ACOT11: variants seen among roughly 807,000 people sequenced by gnomAD.
The protein encoded by ACOT11 is acyl-coenzyme A thioesterase 11.
Under a neutral mutation model 77.5 loss-of-function variants are expected in ACOT11, and 69 were observed. That is an observed-to-expected ratio of 0.89 (90% CI 0.73 to 1.09). ACOT11 has a LOEUF of 1.09. Among genes scored for constraint, ACOT11 ranks in the 50% least tolerant of loss-of-function variants. The probability of loss-of-function intolerance (pLI) is 0.00; values close to 1 mark genes in which losing one functional copy is unlikely to be tolerated. For missense variants in ACOT11, 766 were observed against 813.7 expected (o/e 0.94, Z 0.71); for synonymous variants, 279 against 313.0 (o/e 0.89, Z 1.15).
intron 15 of ACOT11, chr1:54,616,006 A>G (rs1385080166): frequency 1.2e-6 from 2 of 1,612,670 alleles, no homozygotes; most frequent in Non-Finnish European, 1.7e-6. Flanking sequence ...GAGGGTTTCC[A>G]GAGAGGCCCT....
At chr1:54,576,135 G>A (rs148176658) in intron 1 of ACOT11, among the ~76,000 whole-genome samples, 2 of 152,278 alleles carry the variant, frequency 1.3e-5, no homozygotes, top group African/African-American at 2.4e-5. Flanking sequence ...GGAGTGAGGG[G>A]TGGAGTCATG....
intron 3 of ACOT11, among the ~76,000 whole-genome samples, chr1:54,589,695 C>T (rs2100985354): frequency 6.6e-6 from 1 of 152,130 alleles, no homozygotes; most frequent in African/African-American, 2.4e-5. Context: ...CTATGTTGAC[C>T]AGGCTGGTCT....
intron 1 of ACOT11, among the ~76,000 whole-genome samples, chr1:54,562,201 G>A (rs1260244151): frequency 2.3e-4 from 19 of 83,954 alleles, no homozygotes; most frequent in Admixed American, 5.5e-4. Context: ...CAGACGGGGC[G>A]GCTGGCCGGG....
intron 1 of ACOT11, among the ~76,000 whole-genome samples, chr1:54,564,942 G>T (rs75641291): frequency 0.02 from 3,077 of 152,272 alleles, 36 homozygotes; most frequent in African/African-American, 0.03. Context: ...TTGAGAGCAG[G>T]GCGAACATGG....
At chr1:54,599,447 A>T in intron 8 of ACOT11, 32 bp downstream of exon 8, 1 of 1,574,444 alleles carries the variant, frequency 6.4e-7, no homozygotes, top group Non-Finnish European at 8.7e-7. Flanking sequence ...GGCCACGTCC[A>T]TTCAGGGCTG....
At chr1:54,552,022 AC>A (rs1377730186) in intron 1 of ACOT11, among the ~76,000 whole-genome samples, 2 of 152,136 alleles carry the variant, frequency 1.3e-5, no homozygotes, top group Non-Finnish European at 2.9e-5. Flanking sequence ...AAGGGGTCTA[AC>A]CCAGAGTGTG....
Position 54,618,339 on chromosome 1 carries a change from A to T in ACOT11, c.1629+10271A>T, listed in dbSNP as rs554959965. On this transcript the variant is annotated intron_variant, in intron 15 of 16. Coordinates refer to the ACOT11 transcript ENST00000371316. ...GTCAACATGGTGAAAACCCATCTCT[A>T]CTAAAAATACAAAAATTAGCCAGGC... Among the ~76,000 whole-genome samples, 13 of 152,222 alleles carry T rather than the reference A, an allele frequency of 8.5e-5. No homozygotes were observed. In the South Asian group the frequency reaches 2.7e-3, roughly 32 times the overall value.
chr1:54,595,294 C>T (rs140532183), intron 6 of ACOT11, among the ~76,000 whole-genome samples: 12 of 151,122 alleles, frequency 7.9e-5, no homozygotes, highest in Non-Finnish European at 1.3e-4. Context: ...TGCAGTGAGC[C>T]GAGATCACAC....
At chr1:54,606,705 G>A (rs545089921) in intron 13 of ACOT11, among the ~76,000 whole-genome samples, 2 of 152,208 alleles carry the variant, frequency 1.3e-5, no homozygotes, top group Non-Finnish European at 2.9e-5. Flanking sequence ...ACAGCACCTG[G>A]CACTCAGTGG....
intron 1 of ACOT11, among the ~76,000 whole-genome samples, chr1:54,571,438 G>A (rs1167814829): frequency 2.0e-5 from 3 of 152,206 alleles, no homozygotes; most frequent in Non-Finnish European, 2.9e-5. Context: ...GGCAGCATCT[G>A]GAGTGTGGAT....
chr1:54,604,261 T>A, intron 11 of ACOT11, 85 bp from the exon 12 acceptor site: 1 of 1,290,338 alleles, frequency 7.7e-7, no homozygotes, highest in Non-Finnish European at 1.1e-6. Context: ...CTGGCCCAGG[T>A]TCCTCTCTGG....
At chr1:54,626,131 G>A (rs1463699930) in intron 15 of ACOT11, among the ~76,000 whole-genome samples, 2 of 151,572 alleles carry the variant, frequency 1.3e-5, no homozygotes, top group Admixed American at 1.3e-4. Context: ...ATAGTGGCAC[G>A]AGCCTGTAAT....
At chr1:54,599,212 AT>A (rs1317730373) in intron 7 of ACOT11, 83 bp from the exon 8 acceptor site, 6 of 109,378 alleles carry the variant, frequency 5.5e-5, no homozygotes, top group Admixed American at 2.5e-4. Context: ...ATATATATAT[AT>A]ATATATATAT....
downstream of ACOT11, chr1:54,612,683 A>C (rs760898323): frequency 1.9e-6 from 3 of 1,613,890 alleles, no homozygotes; most frequent in Non-Finnish European, 2.5e-6. Context: ...TAGCCTTGGG[A>C]TACTTCTCCT....
intron 15 of ACOT11, chr1:54,619,973 G>A (rs1463626093): frequency 6.2e-7 from 1 of 1,614,156 alleles, no homozygotes; most frequent in South Asian, 1.1e-5. Flanking sequence ...AGTCCAGCAT[G>A]TCGGCATCAG....
rs746230600 is a variant in ACOT11 at position 54,605,057 on chromosome 1, T to C, written c.1237-19T>C. On this transcript the variant is annotated intron_variant, in intron 12 of 15. Coordinates refer to ENST00000343744, the MANE Select transcript of ACOT11 (RefSeq NM_147161.4). ...CACTCCACCACCCAGCAAATGAGGCTGCCCTCTATCCCATGCAGGTCCGCC... is the reference window on the plus strand; with the variant it reads ...CACTCCACCACCCAGCAAATGAGGCCGCCCTCTATCCCATGCAGGTCCGCC... 1.9e-6 allele frequency: 3 copies of C among 1,605,366 alleles called. No homozygotes were observed. The highest frequency in any genetic ancestry group is 2.6e-6 in the Non-Finnish European group (3 of 1,175,426).
rs370931124 is a variant in ACOT11, at chr1:54,623,262, G to A, written c.1630-7472G>A. 116 of 1,579,876 alleles carry A rather than the reference G, an allele frequency of 7.3e-5. 1 individual carries two copies. The highest frequency in any genetic ancestry group is 4.7e-4 in the Admixed American group (28 of 59,892). On this transcript the variant is annotated intron_variant, in intron 15 of 16. Coordinates refer to the ACOT11 transcript ENST00000371316. ...TGAGGGAAGCCACTCAGGATGACAT[G>A]GGGGGAGGCACCTACCTGGCCGCCG... is the stretch of plus-strand genomic sequence containing the variant.
At chr1:54,588,790 G>T (rs1180930351) in intron 3 of ACOT11, among the ~76,000 whole-genome samples, 2 of 152,118 alleles carry the variant, frequency 1.3e-5, no homozygotes, top group East Asian at 3.9e-4. Flanking sequence ...CTGCTGCAGG[G>T]CTCAGCAGAG....
At chr1:54,623,683 A>G (rs1003490250) in intron 15 of ACOT11, 2 of 282,810 alleles carry the variant, frequency 7.1e-6, no homozygotes, top group Non-Finnish European at 1.3e-5. Context: ...GCAGCAGAGA[A>G]TGTTGGACCG....
Sources: allele counts gnomAD v4.1 joint callset (sites outside exome capture counted in the v4.1 genomes callset), GRCh38; gene constraint gnomAD v4.1.1; transcripts MANE v1.5; gene names NCBI Gene and HGNC (gene_info 2026-07-23, HGNC 2026-07-21).